Variants in AREL1 observed in about 807,000 individuals in gnomAD.
AREL1 encodes apoptosis-resistant E3 ubiquitin protein ligase 1.
AREL1 carries 62 observed loss-of-function variants against 99.0 expected under a neutral mutation model. That is an observed-to-expected ratio of 0.63 (90% CI 0.51 to 0.77). The LOEUF (loss-of-function observed/expected upper bound fraction) is 0.77, where lower values mean the gene tolerates loss of function less well. Ranked by LOEUF, AREL1 falls within the 30% of genes least tolerant of loss-of-function variation. AREL1 has a pLI of 0.00. For synonymous variants in AREL1, 380 were observed against 376.5 expected (o/e 1.01, Z -0.11); for missense variants, 879 against 1,027.6 (o/e 0.86, Z 1.98).
At chr14:74,711,834 C>T (rs2090297389) in intron 1 of AREL1, 1 of 151,916 alleles carries the variant, frequency 6.6e-6, no homozygotes, top group African/African-American at 2.4e-5. Context: ...AGGATTTTAA[C>T]CCCATCAGTC....
intron 1 of AREL1, among the ~76,000 whole-genome samples, chr14:74,702,570 G>C (rs565092422): frequency 6.6e-6 from 1 of 152,142 alleles, no homozygotes; most frequent in Non-Finnish European, 1.5e-5. Flanking sequence ...TCTGTGATGG[G>C]AGTGGCTGCT....
intron 1 of AREL1, among the ~76,000 whole-genome samples, chr14:74,697,892 G>T (rs138924074): frequency 6.6e-6 from 1 of 152,248 alleles, no homozygotes; most frequent in African/African-American, 2.4e-5. Flanking sequence ...ATAACTCCCA[G>T]ATTTGGACAC....
At chr14:74,681,576 C>T (rs1304255411) in intron 5 of AREL1, among the ~76,000 whole-genome samples, 1 of 151,878 alleles carries the variant, frequency 6.6e-6, no homozygotes, top group African/African-American at 2.4e-5. Flanking sequence ...AGATCGAGAC[C>T]ATCCTGGCCA....
At chr14:74,667,417 T>C (rs891614066) in intron 16 of AREL1, 40 bp from the exon 17 acceptor site, 2 of 1,614,146 alleles carry the variant, frequency 1.2e-6, no homozygotes, top group South Asian at 2.2e-5. Context: ...ACCCACACCA[T>C]GGATACAGGT....
At position 74,663,544 on chromosome 14, in the gene AREL1, G is replaced by A. The variant is rs2089133671; in HGVS notation, c.*176C>T. 4.5e-6 allele frequency: 3 copies of A among 667,210 alleles called. No homozygotes were observed. Among genetic ancestry groups the A allele is most frequent in the African/African-American group, 1.8e-5 (1 of 56,206 alleles). 41.3% of individuals were successfully genotyped at this position (667,210 alleles called of 1,614,324 possible). ...AAGTGGCCTGTGGTAGATATGGGCA[G>A]GGAGCAGGTGAGGTAAAGACAAGGC... On this transcript the variant is annotated 3_prime_UTR_variant, in exon 20 of 20. Coordinates refer to ENST00000356357, the MANE Select transcript of AREL1 (RefSeq NM_001039479.2).
chr14:74,685,017 C>A (rs948124469), intron 3 of AREL1, among the ~76,000 whole-genome samples: 5 of 152,096 alleles, frequency 3.3e-5, no homozygotes, highest in Non-Finnish European at 7.4e-5. Flanking sequence ...CCTTCGGAAC[C>A]AAAAATATTT....
intron 2 of AREL1, among the ~76,000 whole-genome samples, chr14:74,687,948 C>G (rs374938656): frequency 2.1e-4 from 31 of 150,936 alleles, no homozygotes; most frequent in African/African-American, 7.5e-4. Flanking sequence ...AATTTTATGC[C>G]TAAAAAATTT....
chr14:74,710,325 C>G (rs571508210), intron 1 of AREL1, among the ~76,000 whole-genome samples: 2 of 152,324 alleles, frequency 1.3e-5, no homozygotes. Context: ...TCAGAACACT[C>G]TCAATAGAGG....
At chr14:74,669,892 ATTTCAGGG>A in intron 14 of AREL1, 47 bp downstream of exon 14, 1 of 1,580,794 alleles carries the variant, frequency 6.3e-7, no homozygotes, top group Non-Finnish European at 8.6e-7. Context: ...AGGAGGAGAG[ATTTCAGGG>A]TTAATGGCCA....
chr14:74,683,143 T>C (rs538053779), intron 5 of AREL1, among the ~76,000 whole-genome samples, 153 bp downstream of exon 5: 2 of 152,274 alleles, frequency 1.3e-5, no homozygotes, highest in East Asian at 3.9e-4. Context: ...TGGCTGCATT[T>C]AAAGAACCAT....
At chr14:74,700,876 G>A (rs945265684) in intron 1 of AREL1, among the ~76,000 whole-genome samples, 8 of 152,114 alleles carry the variant, frequency 5.3e-5, no homozygotes, top group Admixed American at 1.3e-4. Context: ...TTTTTTAACC[G>A]AGAGAGAAAA....
At chr14:74,693,763 G>A (rs578125583) in intron 1 of AREL1, among the ~76,000 whole-genome samples, 3 of 152,184 alleles carry the variant, frequency 2.0e-5, no homozygotes, top group African/African-American at 7.2e-5. Flanking sequence ...CTCCACTATG[G>A]GAAACCAAGG....
intron 9 of AREL1, 68 bp downstream of exon 9, chr14:74,673,966 A>G (rs761037003): frequency 1.4e-5 from 19 of 1,388,060 alleles, no homozygotes; most frequent in Non-Finnish European, 1.7e-5. Context: ...TCTGAGAAAA[A>G]ATAAAAGGCT....
At chr14:74,702,976 T>C (rs554897378) in intron 1 of AREL1, among the ~76,000 whole-genome samples, 1 of 152,322 alleles carries the variant, frequency 6.6e-6, no homozygotes, top group East Asian at 1.9e-4. Context: ...TCAACAAGTC[T>C]CCAGGAAGTT....
intron 1 of AREL1, among the ~76,000 whole-genome samples, chr14:74,711,280 C>CTGT (rs2090281086): frequency 6.7e-6 from 1 of 149,668 alleles, no homozygotes; most frequent in African/African-American, 2.5e-5. Context: ...TGGCTCACGT[C>CTGT]TGTAATCCCA....
In AREL1 at chr14:74,663,701, C is replaced by G; in HGVS notation, c.*19G>C. 1.2e-6 allele frequency: 2 copies of G among 1,612,268 alleles called. No homozygotes were observed. The highest frequency in any genetic ancestry group is 1.7e-6 in the Non-Finnish European group (2 of 1,178,998). ...AAGCTCCAGAGAGCATGGGAGCCAA[C>G]TGGATGACAGGAGAGTGGTCAGAGC... On this transcript the variant is annotated 3_prime_UTR_variant, in exon 20 of 20. Transcript: ENST00000356357.
intron 17 of AREL1, among the ~76,000 whole-genome samples, chr14:74,665,838 G>A (rs2089198951): frequency 6.6e-6 from 1 of 152,212 alleles, no homozygotes; most frequent in African/African-American, 2.4e-5. Flanking sequence ...CCCAAACTGA[G>A]CCTGAGAAGC....
chr14:74,674,356 T>G (rs1322019098), intron 8 of AREL1, among the ~76,000 whole-genome samples: 2 of 152,158 alleles, frequency 1.3e-5, no homozygotes, highest in East Asian at 3.8e-4. Context: ...TCTCAGCACT[T>G]TGGGAGGCCG....
chr14:74,689,092 C>G (rs192391291), intron 2 of AREL1, among the ~76,000 whole-genome samples: 1 of 152,138 alleles, frequency 6.6e-6, no homozygotes, highest in Non-Finnish European at 1.5e-5. Context: ...AAGTGAACCA[C>G]CTGCCTTGGC....
Sources: gnomAD v4.1 joint callset for allele counts (sites outside exome capture counted in the v4.1 genomes callset) on GRCh38, gnomAD v4.1.1 for gene constraint, MANE v1.5 for transcripts, NCBI Gene and HGNC (gene_info 2026-07-23, HGNC 2026-07-21) for gene names.